GADL1: variants seen among roughly 807,000 people sequenced by gnomAD.
The protein encoded by GADL1 is GAD like acidic amino acid decarboxylase 1.
Under a neutral mutation model 69.5 loss-of-function variants are expected in GADL1, and 71 were observed. The ratio of observed to expected loss-of-function variants is 1.02; its 90% CI spans 0.84 to 1.25. GADL1 has a LOEUF of 1.25. GADL1 is among the 50% of genes most tolerant of loss of function. GADL1 has a pLI of 0.00. For missense variants in GADL1, 737 were observed against 631.8 expected, an observed-to-expected ratio of 1.17 and a Z score of -1.79; for synonymous variants, 254 against 214.4, an observed-to-expected ratio of 1.18 and a Z score of -1.62.
intron 6 of GADL1, among the ~76,000 whole-genome samples, chr3:30,849,010 GA>G (rs1473306203): frequency 6.6e-6 from 1 of 152,148 alleles, no homozygotes; most frequent in East Asian, 1.9e-4. Context: ...CCAAGAAAAT[GA>G]GGCAGAAGTA....
chr3:30,780,166 C>T (rs555318874), intron 13 of GADL1, among the ~76,000 whole-genome samples: 10 of 152,258 alleles, frequency 6.6e-5, no homozygotes, highest in Admixed American at 5.2e-4. Context: ...AGGCACCTTG[C>T]CTTGGATGAC....
chr3:30,847,142 A>G (rs1698072840), intron 6 of GADL1, among the ~76,000 whole-genome samples: 1 of 152,204 alleles, frequency 6.6e-6, no homozygotes, highest in Non-Finnish European at 1.5e-5. Flanking sequence ...ACATAGATTT[A>G]TTACTTTTAT....
At chr3:30,812,273 C>A (rs887765498) in intron 11 of GADL1, among the ~76,000 whole-genome samples, 2 of 152,184 alleles carry the variant, frequency 1.3e-5, no homozygotes, top group Non-Finnish European at 1.5e-5. Context: ...AAACCAAGAA[C>A]CCTAACCTAT....
At chr3:30,863,352 C>T (rs4955348) in intron 1 of GADL1, among the ~76,000 whole-genome samples, 55,602 of 151,728 alleles carry the variant, frequency 0.37, 10,658 homozygotes, top group East Asian at 0.69. Context: ...AACCTTGCAG[C>T]TTAAGCACAG....
intron 14 of GADL1, among the ~76,000 whole-genome samples, chr3:30,768,585 C>T (rs7632538): frequency 4.5e-4 from 67 of 148,372 alleles, no homozygotes; most frequent in Middle Eastern, 3.5e-3. Context: ...GGAGGAGAGG[C>T]GGAGAAGGAA....
intron 11 of GADL1, among the ~76,000 whole-genome samples, chr3:30,806,181 T>C (rs1559505127): frequency 6.6e-6 from 1 of 152,126 alleles, no homozygotes; most frequent in Non-Finnish European, 1.5e-5. Context: ...GCCCTTCCTA[T>C]ATTCTGTCCT....
chr3:30,800,828 C>T, intron 12 of GADL1, 61 bp downstream of exon 12: 2 of 1,120,314 alleles, frequency 1.8e-6, no homozygotes, highest in Non-Finnish European at 2.6e-6. Context: ...CACACACACA[C>T]ACACACACAC....
At chr3:30,752,769 G>A (rs567389967) in intron 14 of GADL1, among the ~76,000 whole-genome samples, 96 of 152,286 alleles carry the variant, frequency 6.3e-4, no homozygotes, top group East Asian at 7.7e-4. Context: ...AGATTTGTTA[G>A]CATTTGAGAT....
At chr3:30,789,129 T>G (rs1223431567) in intron 12 of GADL1, among the ~76,000 whole-genome samples, 3 of 152,224 alleles carry the variant, frequency 2.0e-5, no homozygotes, top group African/African-American at 7.2e-5. Flanking sequence ...GCTATAGCCT[T>G]ACAAAACACA....
At chr3:30,857,297 A>G (rs898737524) in intron 2 of GADL1, among the ~76,000 whole-genome samples, 156 bp from the exon 3 acceptor site, 1 of 152,040 alleles carries the variant, frequency 6.6e-6, no homozygotes, top group Non-Finnish European at 1.5e-5. Flanking sequence ...ACAGTAATGT[A>G]GATGTTGATG....
At chr3:30,869,226 AG>A (rs1698447171) in intron 1 of GADL1, among the ~76,000 whole-genome samples, 1 of 151,818 alleles carries the variant, frequency 6.6e-6, no homozygotes. Flanking sequence ...CAGGCTCAAA[AG>A]AATGGATGCC....
At chr3:30,740,990 ATT>A (rs1695612189) in intron 14 of GADL1, among the ~76,000 whole-genome samples, 1 of 104,610 alleles carries the variant, frequency 9.6e-6, no homozygotes, top group Middle Eastern at 5.2e-3. Context: ...TATATTATAT[ATT>A]ATATATTAAT....
chr3:30,788,386 A>G (rs569238547), intron 12 of GADL1, among the ~76,000 whole-genome samples: 14 of 152,212 alleles, frequency 9.2e-5, no homozygotes, highest in Non-Finnish European at 1.9e-4. Context: ...TGTCTAAAAC[A>G]CAATGCACAT....
chr3:30,814,344 A>G (rs1697418514), intron 11 of GADL1, among the ~76,000 whole-genome samples: 1 of 152,208 alleles, frequency 6.6e-6, no homozygotes, highest in Admixed American at 6.5e-5. Context: ...TGGTAAAGCA[A>G]ACCCACATCT....
chr3:30,851,181 A>G (rs1698141132), intron 4 of GADL1, among the ~76,000 whole-genome samples: 1 of 152,152 alleles, frequency 6.6e-6, no homozygotes, highest in African/African-American at 2.4e-5. Flanking sequence ...GTCTTTCGAG[A>G]AAAACCTCAA....
chr3:30,757,653 G>GA (rs1161198434), intron 14 of GADL1, among the ~76,000 whole-genome samples: 1 of 152,084 alleles, frequency 6.6e-6, no homozygotes, highest in Non-Finnish European at 1.5e-5. Flanking sequence ...AGTAAACACA[G>GA]AAGGACCTAG....
intron 14 of GADL1, among the ~76,000 whole-genome samples, chr3:30,768,554 A>G (rs377101127): frequency 1.9e-4 from 15 of 78,606 alleles, no homozygotes; most frequent in Middle Eastern, 0.012. Context: ...GAAGAGGGGG[A>G]GAGAGAAGGG....
intron 12 of GADL1, chr3:30,800,128 T>A (rs1227714033): frequency 1.3e-5 from 2 of 152,672 alleles, no homozygotes; most frequent in African/African-American, 2.4e-5. Context: ...CTACTGGTAC[T>A]AATTTACCAT....
Position 30,752,946 on chromosome 3 carries a change from C to T in GADL1, c.1393-24531G>A, listed in dbSNP as rs149125041. ...TGAATTCAGTTGAGAACACAATCCT[C>T]GTTTTTTAACTTGGTTTTGAACACT... On this transcript the variant is annotated intron_variant, in intron 14 of 14. Coordinates refer to ENST00000282538, the MANE Select transcript of GADL1 (RefSeq NM_207359.3). Among the ~76,000 whole-genome samples, 57 of 122,474 alleles carry T rather than the reference C, an allele frequency of 4.7e-4. 1 individual carries two copies. In the East Asian group the frequency reaches 0.014, roughly 30 times the overall value. The allele number at this position is 122,474 out of a possible 152,430, so 80.3% of individuals were successfully genotyped here.
Sources: gnomAD v4.1 joint callset for allele counts (sites outside exome capture counted in the v4.1 genomes callset) on GRCh38, gnomAD v4.1.1 for gene constraint, MANE v1.5 for transcripts, NCBI Gene and HGNC (gene_info 2026-07-23, HGNC 2026-07-21) for gene names.